CDC73: variants seen among roughly 807,000 people sequenced by gnomAD.
The protein encoded by CDC73 is cell division cycle 73.
In CDC73, 21 loss-of-function variants were observed where a neutral mutation model predicts 83.7. The ratio of observed to expected loss-of-function variants is 0.25; its 90% CI spans 0.18 to 0.36. CDC73 has a LOEUF of 0.36. CDC73 is among the 10% of genes least tolerant of loss of function. The pLI, the probability that CDC73 is intolerant of heterozygous loss-of-function variation, is 1.00. For missense variants in CDC73, 342 were observed against 653.3 expected, an observed-to-expected ratio of 0.52 and a Z score of 5.19; for synonymous variants, 224 against 212.9, an observed-to-expected ratio of 1.05 and a Z score of -0.45.
intron 10 of CDC73, among the ~76,000 whole-genome samples, chr1:193,153,557 A>G (rs1271239565): frequency 6.6e-6 from 1 of 152,198 alleles, no homozygotes; most frequent in African/African-American, 2.4e-5. Flanking sequence ...CTTTATATCT[A>G]CGTGGGCTTT....
chr1:193,157,434 T>A (rs1157321799), intron 10 of CDC73, among the ~76,000 whole-genome samples: 1 of 152,184 alleles, frequency 6.6e-6, no homozygotes, highest in African/African-American at 2.4e-5. Context: ...TTATTAGGCA[T>A]CCATTATAAT....
intron 10 of CDC73, among the ~76,000 whole-genome samples, chr1:193,164,336 T>C (rs968114946): frequency 2.0e-5 from 3 of 152,182 alleles, no homozygotes; most frequent in African/African-American, 7.2e-5. Flanking sequence ...TCTCATAGGG[T>C]GGCATTATGT....
intron 7 of CDC73, among the ~76,000 whole-genome samples, chr1:193,144,374 T>A (rs1053692328): frequency 6.6e-6 from 1 of 151,930 alleles, no homozygotes; most frequent in East Asian, 1.9e-4. Flanking sequence ...TGCTGCATAG[T>A]AGATTGATGA....
rs1331952455 is a variant in CDC73, at chr1:193,249,715, C to G, written c.1418-15C>G. 6.3e-7 allele frequency: 1 copy of G among 1,598,068 alleles called. No individual in the cohort carries two copies. Among genetic ancestry groups the G allele is most frequent in the Non-Finnish European group, 8.6e-7 (1 of 1,166,162 alleles). Reference sequence around the variant, plus strand: ...TTTGAGTAAAAATGATAACTTCTCTCCACCCTCTCTATAGTTAAAGCCTTC... The same window carrying G: ...TTTGAGTAAAAATGATAACTTCTCTGCACCCTCTCTATAGTTAAAGCCTTC... On this transcript the variant is annotated splice_polypyrimidine_tract_variant and intron_variant, in intron 15 of 16. Coordinates refer to ENST00000367435, the MANE Select transcript of CDC73 (RefSeq NM_024529.5).
intron 10 of CDC73, among the ~76,000 whole-genome samples, chr1:193,194,019 G>C (rs1421212637): frequency 6.6e-6 from 1 of 152,084 alleles, no homozygotes; most frequent in Admixed American, 6.5e-5. Context: ...ACTAATAACT[G>C]ATTACAAAGA....
intron 10 of CDC73, among the ~76,000 whole-genome samples, chr1:193,177,529 A>G (rs150930859): frequency 1.7e-5 from 2 of 120,622 alleles, no homozygotes; most frequent in Admixed American, 1.6e-4. Flanking sequence ...GACTCTGTCT[A>G]AAAAAAAAAA....
chr1:193,243,623 A>G (rs187832717), intron 15 of CDC73, among the ~76,000 whole-genome samples: 242 of 152,324 alleles, frequency 1.6e-3, no homozygotes, highest in African/African-American at 5.6e-3. Flanking sequence ...ACCTAAGCAG[A>G]ATGGAAATGA....
At chr1:193,147,839 G>A in intron 7 of CDC73, 28 bp from the exon 8 acceptor site, 2 of 1,230,356 alleles carry the variant, frequency 1.6e-6, no homozygotes, top group Non-Finnish European at 2.4e-6. Context: ...TTTAAAGTGG[G>A]CTTAATTAAA....
rs1675480183 is a variant in CDC73 at position 193,122,746 on chromosome 1, CTA to C, written c.131+417_131+418del. Among the ~76,000 whole-genome samples the C allele has an allele frequency of 2.0e-5, 3 of 151,888 alleles. No homozygotes were observed. In the South Asian group the frequency reaches 6.2e-4, roughly 32 times the overall value. Reference sequence around the variant, plus strand: ...TTCTCTTTTCCAGGCTGCTATGTAACTATCTCCGCTGGTCTTTGCAACTCCTG... The same window carrying C: ...TTCTCTTTTCCAGGCTGCTATGTAACTCTCCGCTGGTCTTTGCAACTCCTG... On this transcript the variant is annotated intron_variant, in intron 1 of 16. Transcript: ENST00000367435.
At chr1:193,146,054 G>A (rs1347052800) in intron 7 of CDC73, among the ~76,000 whole-genome samples, 1 of 152,138 alleles carries the variant, frequency 6.6e-6, no homozygotes, top group Non-Finnish European at 1.5e-5. Context: ...AGGTGAGAGG[G>A]GTAAGGTGGG....
At chr1:193,124,479 G>A (rs529921412) in intron 1 of CDC73, among the ~76,000 whole-genome samples, 1 of 152,184 alleles carries the variant, frequency 6.6e-6, no homozygotes, top group Non-Finnish European at 1.5e-5. Context: ...CAAAGATATA[G>A]AAGGGGAAAG....
At chr1:193,172,073 C>T (rs747937293) in intron 10 of CDC73, among the ~76,000 whole-genome samples, 2 of 151,786 alleles carry the variant, frequency 1.3e-5, no homozygotes, top group African/African-American at 4.8e-5. Context: ...TACAGGTGTG[C>T]GCCACCACAC....
intron 10 of CDC73, among the ~76,000 whole-genome samples, chr1:193,169,544 C>CA (rs909934132): frequency 1.0e-4 from 15 of 149,506 alleles, no homozygotes; most frequent in South Asian, 2.1e-4. Context: ...GACTCTGTCT[C>CA]AAAAAAAAAT....
At chr1:193,134,255 ATATAT>A (rs1257948807) in intron 3 of CDC73, among the ~76,000 whole-genome samples, 1 of 152,062 alleles carries the variant, frequency 6.6e-6, no homozygotes, top group Non-Finnish European at 1.5e-5. Context: ...CTTTATATTA[ATATAT>A]TATTGTGCCA....
chr1:193,151,538 G>A (rs941853733), intron 9 of CDC73, among the ~76,000 whole-genome samples: 4 of 152,258 alleles, frequency 2.6e-5, no homozygotes, highest in African/African-American at 9.6e-5. Flanking sequence ...TTTAAGGCTT[G>A]CAATGTGTTA....
In CDC73 at chr1:193,194,695, A is replaced by C. The variant is rs184771323; in HGVS notation, c.973-9100A>C. On this transcript the variant is annotated intron_variant, in intron 10 of 16. Transcript: ENST00000367435. ...TTTGCTAATTGCAGTTCTGTGATAAAACATTTCAACTACATTCACATGGAT... is the reference window on the plus strand; with the variant it reads ...TTTGCTAATTGCAGTTCTGTGATAACACATTTCAACTACATTCACATGGAT... Among the ~76,000 whole-genome samples, 291 of 152,268 alleles carry C rather than the reference A, an allele frequency of 1.9e-3. 2 individuals carry two copies. Among genetic ancestry groups the C allele is most frequent in the African/African-American group, 6.0e-3 (251 of 41,570 alleles).
chr1:193,177,296 C>G (rs1009877096), intron 10 of CDC73, among the ~76,000 whole-genome samples: 1 of 132,510 alleles, frequency 7.5e-6, no homozygotes, highest in Non-Finnish European at 1.5e-5. Flanking sequence ...GGCCGAATCA[C>G]GAGGTCAGGA....
intron 10 of CDC73, among the ~76,000 whole-genome samples, chr1:193,166,910 C>T (rs1338952880): frequency 6.6e-6 from 1 of 152,034 alleles, no homozygotes; most frequent in African/African-American, 2.4e-5. Flanking sequence ...ATGTGCAATA[C>T]TGATTTGATA....
intron 7 of CDC73, 52 bp downstream of exon 7, chr1:193,142,118 T>A (rs984965575): frequency 3.6e-5 from 45 of 1,239,158 alleles, no homozygotes; most frequent in South Asian, 8.6e-5. Context: ...AGAGAGAGAG[T>A]GCGTTTAATC....
Sources: allele counts gnomAD v4.1 joint callset (sites outside exome capture counted in the v4.1 genomes callset), GRCh38; gene constraint gnomAD v4.1.1; transcripts MANE v1.5; gene names NCBI Gene and HGNC (gene_info 2026-07-23, HGNC 2026-07-21).